Variants in LRP3 observed in about 807,000 individuals in gnomAD.
LRP3 encodes the protein low-density lipoprotein receptor-related protein 3.
LRP3 carries 49 observed loss-of-function variants against 58.5 expected under a neutral mutation model. That is an observed-to-expected ratio of 0.84 (90% confidence interval 0.67 to 1.06). The LOEUF (loss-of-function observed/expected upper bound fraction) is 1.06. Ranked by LOEUF, LRP3 falls within the 50% of genes least tolerant of loss-of-function variation. The pLI is 0.00. For missense variants in LRP3, 1,019 were observed against 1,134.2 expected (o/e 0.90, Z 1.46); for synonymous variants, 485 against 492.2 (o/e 0.99, Z 0.20).
chr19:33,197,587 ACCGTGCTCCAG>A (rs984960620), intron 2 of LRP3, among the ~76,000 whole-genome samples: 10 of 152,220 alleles, frequency 6.6e-5, no homozygotes, highest in Non-Finnish European at 1.2e-4. Context: ...TGACGGCTCC[ACCGTGCTCCAG>A]CCTGGGTGAC....
rs368674066 is a variant in LRP3 at position 33,206,368 on chromosome 19, C to T, written c.1592+6C>T. On this transcript the variant is annotated splice_donor_region_variant and intron_variant, in intron 5 of 6. Coordinates refer to ENST00000253193, the MANE Select transcript of LRP3 (RefSeq NM_002333.4). ...CTGCGCACGCAGGAATACAGGTGGGCGCTGTGCCCGCAGCCAGGGGACCGG... is the reference window on the plus strand; with the variant it reads ...CTGCGCACGCAGGAATACAGGTGGGTGCTGTGCCCGCAGCCAGGGGACCGG... The T allele has an allele frequency of 2.3e-4, 367 of 1,603,778 alleles. No individual in the cohort carries two copies. Among genetic ancestry groups the T allele is most frequent in the Non-Finnish European group, 2.8e-4 (330 of 1,179,114 alleles).
rs760178939 is a variant in LRP3, at chr19:33,198,926, C to A, written c.121+2149C>A. On this transcript the variant is annotated intron_variant, in intron 2 of 6. Transcript: ENST00000253193. ...ATTGGATCTGCAAATTGTGCTTTCT[C>A]AGGCCTTGCAGTGTCCTCTCAGGAA... Among the ~76,000 whole-genome samples the A allele has an allele frequency of 5.6e-4, 85 of 152,328 alleles. 2 individuals are homozygous for A.
Position 33,208,664 on chromosome 19 carries a change from GAACAGCC to G in LRP3, c.*1091_*1097del, listed in dbSNP as rs1312650888. On this transcript the variant is annotated 3_prime_UTR_variant, in exon 7 of 7. Coordinates refer to ENST00000253193, the MANE Select transcript of LRP3 (RefSeq NM_002333.4). This position sits in a 1 kb window ranked among gnomAD's most constrained non-coding sequence, Gnocchi z 4.7. ...ATCAGGGACTCCCCATAGCACGAGC[GAACAGCC>G]AGCCCTGTTTATTTATAGGCCTTTT... 11 of 602,636 alleles carry G rather than the reference GAACAGCC, an allele frequency of 1.8e-5. No individual in the cohort carries two copies. In the East Asian group the frequency reaches 3.2e-4, roughly 18 times the overall value. The allele number at this position is 602,636 out of a possible 1,614,324, so 37.3% of individuals were successfully genotyped here. A position where few individuals can be genotyped will look rare whatever the true frequency, so the allele number is the denominator to read the frequency against.
chr19:33,207,409 C>A lies in LRP3; in HGVS notation c.2147C>A (p.Ala716Glu), dbSNP rs1012631024. The change falls in exon 7 of 7, where the codon GCA becomes GAA. Residue 716 changes from alanine (A) to glutamate (E), a missense_variant. This residue lies in a region of LRP3 where 427 missense variants were observed against 408.6 expected (regional missense o/e 1.04). Transcript: ENST00000253193. ...GTAGACGGCCCAGCTCCTGCAGATG[C>A]ACCTCGGGAGCCCTGCTCAGCCCAG... ...PLVDGPAPAD[A>E]PREPCSAQDP... 1.3e-6 allele frequency: 2 copies of A among 1,589,796 alleles called. No homozygotes were observed. The highest frequency in any genetic ancestry group is 3.5e-5 in the Admixed American group (2 of 57,956).
rs764890832 is a variant in LRP3 at position 33,205,328 on chromosome 19, C to T, written c.558C>T (p.Asn186=). The change falls in exon 5 of 7, where the codon AAC becomes AAT. Residue 186 remains asparagine, a synonymous_variant. Transcript: ENST00000253193. ...GKCLPGPWQC[N]TVDECGDGSD... is the part of the protein sequence containing the mutation. ...GCCTGCCCGGCCCGTGGCAGTGCAA[C>T]ACGGTGGACGAGTGTGGAGACGGCT... 4 of 1,611,834 alleles carry T rather than the reference C, an allele frequency of 2.5e-6. No individual in the cohort carries two copies. In the East Asian group the frequency reaches 8.9e-5, roughly 36 times the overall value.
chr19:33,204,528 C>A (rs1974377720), intron 3 of LRP3, 110 bp from the exon 4 acceptor site: 1 of 771,832 alleles, frequency 1.3e-6, no homozygotes, highest in Non-Finnish European at 2.2e-6. Context: ...CCGGCCGGGA[C>A]AGGGCTGGCT....
intron 2 of LRP3, among the ~76,000 whole-genome samples, chr19:33,200,622 G>A (rs990894122): frequency 6.6e-6 from 1 of 152,202 alleles, no homozygotes; most frequent in African/African-American, 2.4e-5. Flanking sequence ...AGCCTCACCC[G>A]GCAAAGGGAA....
intron 4 of LRP3, 132 bp downstream of exon 4, chr19:33,204,984 A>C: frequency 1.2e-6 from 1 of 860,330 alleles, no homozygotes. Flanking sequence ...CGCCCTGTCA[A>C]TCTCAGGACA....
chr19:33,197,849 C>G (rs1974301545), intron 2 of LRP3, among the ~76,000 whole-genome samples: 1 of 152,220 alleles, frequency 6.6e-6, no homozygotes, highest in African/African-American at 2.4e-5. Context: ...GCTGTGCTCA[C>G]TGGCTCCTCT....
rs375516950 is a variant in LRP3 at position 33,205,814 on chromosome 19, C to T, written c.1044C>T (p.His348=). ...AGGGCCGCCTCACTGTGGCCTACCACGCGCGCGCCCGCAGCGCCGGCCACG... is the reference window on the plus strand; with the variant it reads ...AGGGCCGCCTCACTGTGGCCTACCATGCGCGCGCCCGCAGCGCCGGCCACG... ...AAQGRLTVAY[H]ARARSAGHGF... The change falls in exon 5 of 7, where the codon CAC becomes CAT. Residue 348 remains histidine (H), a synonymous_variant. Coordinates refer to ENST00000253193, the MANE Select transcript of LRP3 (RefSeq NM_002333.4). 119 of 1,583,118 alleles carry T rather than the reference C, an allele frequency of 7.5e-5. No homozygotes were observed. The highest frequency in any genetic ancestry group is 1.6e-4 in the East Asian group (7 of 44,270).
At chr19:33,202,743 C>T (rs1737369634) in intron 2 of LRP3, 105 bp from the exon 3 acceptor site, 2 of 1,326,908 alleles carry the variant, frequency 1.5e-6, no homozygotes, top group Non-Finnish European at 2.0e-6. Flanking sequence ...TGGCTGGACT[C>T]GATCCCACCA....
chr19:33,204,772 G>C lies in LRP3; in HGVS notation c.395G>C (p.Arg132Pro). 6.2e-7 allele frequency: 1 copy of C among 1,613,272 alleles called. No individual in the cohort carries two copies. The highest frequency in any genetic ancestry group is 8.5e-7 in the Non-Finnish European group (1 of 1,179,988). Residue 132 changes from arginine to proline, a missense_variant, in exon 4 of 7, where the codon CGC (arginine) becomes CCC (proline). Around this residue, in one of 2 missense-constraint regions of LRP3, gnomAD observed 592 missense variants for 725.5 expected, o/e 0.82. Transcript: ENST00000253193. Reference protein sequence around the residue: ...SAIPPAFISARDHVWIFFHSD... With the variant: ...SAIPPAFISAPDHVWIFFHSD... ...ATCCCACCTGCCTTCATCTCTGCCCGCGACCATGTCTGGATTTTCTTCCAC... is the reference window on the plus strand; with the variant it reads ...ATCCCACCTGCCTTCATCTCTGCCCCCGACCATGTCTGGATTTTCTTCCAC...
rs963105964 is a variant in LRP3, at chr19:33,208,520, G to A, written c.*945G>A. 3.0e-6 allele frequency: 1 copy of A among 332,150 alleles called. No individual in the cohort carries two copies. The highest frequency in any genetic ancestry group is 5.7e-6 in the Non-Finnish European group (1 of 174,366). 20.6% of individuals were successfully genotyped at this position (332,150 alleles called of 1,614,324 possible). A position where few individuals can be genotyped will look rare whatever the true frequency, so the allele number is the denominator to read the frequency against. ...GGGTGCCATGGTAGGGAGCGCCTGT[G>A]TCAAGCAGCAAAGCCCCCTAATGTC... On this transcript the variant is annotated 3_prime_UTR_variant, in exon 7 of 7. Coordinates refer to ENST00000253193, the MANE Select transcript of LRP3 (RefSeq NM_002333.4). The surrounding 1 kb of genome is among the most constrained non-coding windows in gnomAD (Gnocchi z 4.7).
intron 2 of LRP3, among the ~76,000 whole-genome samples, chr19:33,199,280 C>A (rs1218080780): frequency 6.6e-6 from 1 of 152,152 alleles, no homozygotes; most frequent in African/African-American, 2.4e-5. Context: ...TGACCCTGTG[C>A]CCTACCACAT....
intron 2 of LRP3, among the ~76,000 whole-genome samples, chr19:33,199,492 G>A (rs1034011740): frequency 1.3e-4 from 20 of 149,930 alleles, no homozygotes; most frequent in African/African-American, 4.4e-4. Context: ...AAAAAAAAAA[G>A]GAGTCCCTGC....
chr19:33,199,372 G>A (rs1974317796), intron 2 of LRP3, among the ~76,000 whole-genome samples: 2 of 151,996 alleles, frequency 1.3e-5, no homozygotes, highest in African/African-American at 4.8e-5. Context: ...ACTTTGGGAG[G>A]CTGAGGTGGG....
Position 33,205,992 on chromosome 19 carries a change from C to T in LRP3, c.1222C>T (p.Arg408Ter), listed in dbSNP as rs1262612845. The T allele has an allele frequency of 1.0e-5, 16 of 1,573,600 alleles. No individual in the cohort carries two copies. Among genetic ancestry groups the T allele is most frequent in the Non-Finnish European group, 1.3e-5 (15 of 1,159,810 alleles). Residue 408 changes from arginine (R) to a stop codon, truncating the protein, a stop_gained, in exon 5 of 7, where the codon CGA (arginine) becomes TGA (stop). Coordinates refer to ENST00000253193, the MANE Select transcript of LRP3 (RefSeq NM_002333.4). LOFTEE classifies it high-confidence loss of function. Reference protein sequence around the residue: ...CDGWWHCASGRDEQGCPACPP... With the variant: ...CDGWWHCASG ...TGGCTGGTGGCATTGTGCCAGCGGC[C>T]GAGACGAGCAGGGCTGCCCTGCCTG... is the stretch of plus-strand genomic sequence containing the variant.
At chr19:33,200,243 T>A (rs1357812057) in intron 2 of LRP3, among the ~76,000 whole-genome samples, 1 of 152,150 alleles carries the variant, frequency 6.6e-6, no homozygotes. Flanking sequence ...TTTTTTAATT[T>A]TTTTTGGAGA....
chr19:33,205,127 AG>A, intron 4 of LRP3, 118 bp from the exon 5 acceptor site: 1 of 1,120,924 alleles, frequency 8.9e-7, no homozygotes, highest in East Asian at 2.6e-5. Flanking sequence ...CTGGTGTTGG[AG>A]GGGTCTCTGC....
Sources: gnomAD v4.1 joint callset for allele counts (sites outside exome capture counted in the v4.1 genomes callset) on GRCh38, gnomAD v4.1.1 for gene constraint, gnomAD v4.1.1 regional missense constraint, Gnocchi (gnomAD v3.1) non-coding constraint, MANE v1.5 for transcripts, NCBI Gene and HGNC (gene_info 2026-07-23, HGNC 2026-07-21) for gene names.